The following GPBP1L1 variants were observed in gnomAD, a reference collection of about 807,000 sequenced individuals.
GPBP1L1 encodes the protein GC-rich promoter binding protein 1 like 1, also known as vasculin-like protein 1.
In GPBP1L1, 23 loss-of-function variants were observed where a neutral mutation model predicts 52.5. That is an observed-to-expected ratio of 0.44 (90% CI 0.32 to 0.62). GPBP1L1 has a LOEUF of 0.62. Among genes scored for constraint, GPBP1L1 ranks in the 20% least tolerant of loss-of-function variants. The pLI is 0.06. For synonymous variants in GPBP1L1, 243 were observed against 203.1 expected, an observed-to-expected ratio of 1.20 and a Z score of -1.67; for missense variants, 596 against 579.3, an observed-to-expected ratio of 1.03 and a Z score of -0.30.
chr1:45,632,846 A>G (rs1184072302), intron 10 of GPBP1L1, among the ~76,000 whole-genome samples: 2 of 152,234 alleles, frequency 1.3e-5, no homozygotes, highest in Non-Finnish European at 2.9e-5. Context: ...AAACTTAGCA[A>G]TAAGAAAACA....
rs146613291 is a variant in GPBP1L1, at chr1:45,668,624, T to C, written c.-1097-7399A>G. Among the ~76,000 whole-genome samples the C allele has an allele frequency of 5.5e-4, 84 of 152,194 alleles. No individual in the cohort carries two copies. The East Asian group carries it at 0.013, about 24-fold the overall frequency. ...GTGAGCCGAGATCACACCACTGCACTCCAGCCTGGGCAACAGAGCAAGACT... is the reference window on the plus strand; with the variant it reads ...GTGAGCCGAGATCACACCACTGCACCCCAGCCTGGGCAACAGAGCAAGACT... On this transcript the variant is annotated intron_variant, in intron 2 of 12. Transcript: ENST00000355105.
Position 45,639,937 on chromosome 1 carries a change from G to A in GPBP1L1, c.744+273C>T, listed in dbSNP as rs79042980. On this transcript the variant is annotated intron_variant, in intron 8 of 12. Coordinates refer to ENST00000355105, the MANE Select transcript of GPBP1L1 (RefSeq NM_021639.5). ...AAAAAAAATAGCCGGGCATAATGGC[G>A]TGCCCCTGTAGTTTCAGCTACTTGG... Among the ~76,000 whole-genome samples, 89 of 151,736 alleles carry A rather than the reference G, an allele frequency of 5.9e-4. No individual in the cohort carries two copies. In the East Asian group the frequency reaches 0.013, roughly 21 times the overall value.
chr1:45,672,395 G>C (rs972664521), intron 2 of GPBP1L1, among the ~76,000 whole-genome samples: 2 of 150,066 alleles, frequency 1.3e-5, no homozygotes, highest in African/African-American at 4.9e-5. Flanking sequence ...TATATTTTTT[G>C]ATGCTATTGC....
At position 45,633,529 on chromosome 1, in the gene GPBP1L1, C is replaced by T. The variant is rs2148422823; in HGVS notation, c.1004G>A (p.Gly335Glu). 6.2e-7 allele frequency: 1 copy of T among 1,614,008 alleles called. No homozygotes were observed. Among genetic ancestry groups the T allele is most frequent in the Non-Finnish European group, 8.5e-7 (1 of 1,180,010 alleles). Reference sequence around the variant, plus strand: ...ACAGTCTCTATTCTCTGAGAAGTCTCCATTCCGGTCATCCTTCAGAGTTTT... The same window carrying T: ...ACAGTCTCTATTCTCTGAGAAGTCTTCATTCCGGTCATCCTTCAGAGTTTT... ...FLKTLKDDRN[G>E]DFSENRDCDK... is the part of the protein sequence containing the mutation. The change falls in exon 10 of 13, where the codon GGA becomes GAA. Residue 335 changes from glycine to glutamate, a missense_variant. Transcript: ENST00000355105.
At chr1:45,678,093 C>T (rs1271658578) in intron 2 of GPBP1L1, among the ~76,000 whole-genome samples, 4 of 152,040 alleles carry the variant, frequency 2.6e-5, no homozygotes, top group Non-Finnish European at 4.4e-5. Context: ...TATGAAACAT[C>T]CAGAATAGGC....
intron 12 of GPBP1L1, among the ~76,000 whole-genome samples, chr1:45,628,668 T>G (rs963372338): frequency 6.6e-6 from 1 of 152,166 alleles, no homozygotes; most frequent in African/African-American, 2.4e-5. Flanking sequence ...TTCTTTTTAT[T>G]TATTTATTTT....
At chr1:45,628,543 T>TC in intron 12 of GPBP1L1, 135 bp from the exon 13 acceptor site, 1 of 675,230 alleles carries the variant, frequency 1.5e-6, no homozygotes. Flanking sequence ...TAAGAGACCC[T>TC]CTGAGATCTC....
At chr1:45,647,165 G>GT (rs527602907) in intron 6 of GPBP1L1, among the ~76,000 whole-genome samples, 1 of 107,728 alleles carries the variant, frequency 9.3e-6, no homozygotes. Flanking sequence ...AACTTCTTAG[G>GT]ATTTTTTTTT....
At chr1:45,631,237 CATTT>C (rs146432219) in intron 10 of GPBP1L1, among the ~76,000 whole-genome samples, 2,823 of 152,064 alleles carry the variant, frequency 0.019, 49 homozygotes, top group African/African-American at 0.05. Flanking sequence ...TTGGGTATGA[CATTT>C]ATTTATTTAT....
At chr1:45,646,926 ATATATC>A (rs1440744605) in intron 6 of GPBP1L1, among the ~76,000 whole-genome samples, 4 of 151,964 alleles carry the variant, frequency 2.6e-5, no homozygotes, top group Non-Finnish European at 5.9e-5. Context: ...AGATCCTATT[ATATATC>A]TATATTAGAT....
intron 12 of GPBP1L1, 40 bp downstream of exon 12, chr1:45,629,536 G>C (rs970810801): frequency 9.1e-7 from 1 of 1,104,042 alleles, no homozygotes; most frequent in Non-Finnish European, 1.3e-6. Context: ...TTATTCTCCT[G>C]GTTACTAACT....
At chr1:45,678,197 T>A (rs1429576816) in intron 2 of GPBP1L1, among the ~76,000 whole-genome samples, 1 of 152,234 alleles carries the variant, frequency 6.6e-6, no homozygotes, top group African/African-American at 2.4e-5. Flanking sequence ...TTTGGGATGA[T>A]GAAAATGTTC....
chr1:45,642,275 G>T, intron 7 of GPBP1L1, 152 bp downstream of exon 7: 1 of 613,450 alleles, frequency 1.6e-6, no homozygotes, highest in Non-Finnish European at 2.9e-6. Flanking sequence ...GGGGTAGGGG[G>T]CAGAATAACC....
At chr1:45,673,092 T>TA (rs556644208) in intron 2 of GPBP1L1, among the ~76,000 whole-genome samples, 8 of 152,290 alleles carry the variant, frequency 5.3e-5, no homozygotes, top group Admixed American at 5.2e-4. Context: ...ATGCAGCTGA[T>TA]ACAGAAAACT....
At chr1:45,677,437 T>C (rs1422470441) in intron 2 of GPBP1L1, among the ~76,000 whole-genome samples, 1 of 151,478 alleles carries the variant, frequency 6.6e-6, no homozygotes, top group Admixed American at 6.6e-5. Context: ...AAGTCAAGAC[T>C]ACAGTGAGCT....
At chr1:45,684,258 CAAAA>C (rs60624036) in intron 2 of GPBP1L1, among the ~76,000 whole-genome samples, 1 of 88,478 alleles carries the variant, frequency 1.1e-5, no homozygotes, top group Admixed American at 1.5e-4. Flanking sequence ...AACTCCGTCT[CAAAA>C]AAAAAAAAAA....
At position 45,659,150 on chromosome 1, in the gene GPBP1L1, C is replaced by G. The variant is rs748627823; in HGVS notation, c.-55-8G>C. ...CAACCTCATGGCCAGGATCTGAAAA[C>G]AAAACAATTCAAATCACTTATGTTT... On this transcript the variant is annotated splice_polypyrimidine_tract_variant and splice_region_variant and intron_variant, in intron 3 of 12. Coordinates refer to ENST00000355105, the MANE Select transcript of GPBP1L1 (RefSeq NM_021639.5). The G allele has an allele frequency of 7.5e-6, 11 of 1,457,324 alleles. No homozygotes were observed. The highest frequency in any genetic ancestry group is 1.1e-5 in the Non-Finnish European group (11 of 1,040,356). The allele number at this position is 1,457,324 out of a possible 1,614,324, so 90.3% of individuals were successfully genotyped here.
At chr1:45,649,946 C>T (rs1279335856) in intron 6 of GPBP1L1, among the ~76,000 whole-genome samples, 1 of 152,144 alleles carries the variant, frequency 6.6e-6, no homozygotes, top group African/African-American at 2.4e-5. Flanking sequence ...ATTTTCATTT[C>T]ACCTGCAAAC....
intron 6 of GPBP1L1, chr1:45,651,690 G>C: frequency 1.7e-6 from 1 of 600,202 alleles, no homozygotes; most frequent in Non-Finnish European, 3.0e-6. Flanking sequence ...TCTCTTTTGG[G>C]CTGGGTGTCC....
Sources: gnomAD v4.1 joint callset for allele counts (sites outside exome capture counted in the v4.1 genomes callset) on GRCh38, gnomAD v4.1.1 for gene constraint, MANE v1.5 for transcripts, NCBI Gene and HGNC (gene_info 2026-07-23, HGNC 2026-07-21) for gene names.